NRG4: variants seen among roughly 807,000 people sequenced by gnomAD.
NRG4 encodes the protein neuregulin 4.
A neutral mutation model predicts 15.0 loss-of-function variants in NRG4; 10 were observed. That is an observed-to-expected ratio of 0.67 (90% CI 0.41 to 1.13). The LOEUF (loss-of-function observed/expected upper bound fraction) is 1.13. Ranked by LOEUF, NRG4 falls within the 50% of genes most tolerant of loss-of-function variation. The pLI, the probability that NRG4 is intolerant of heterozygous loss-of-function variation, is 0.00. For missense variants in NRG4, 139 were observed against 140.2 expected (o/e 0.99, Z 0.04); for synonymous variants, 41 against 50.1 (o/e 0.82, Z 0.77).
chr15:75,938,287 TAAA>T (rs913164492), downstream of NRG4: 2 of 151,524 alleles, frequency 1.3e-5, no homozygotes, highest in Non-Finnish European at 2.9e-5. Context: ...CTTTTAAAAA[TAAA>T]AAAACAATGA....
At chr15:76,005,679 G>GAAAA (rs776504828) in intron 3 of NRG4, 723 of 151,516 alleles carry the variant, frequency 4.8e-3, no homozygotes, top group South Asian at 5.7e-3. Flanking sequence ...CTCTGTCTCA[G>GAAAA]AAAAAAAAAA....
chr15:76,036,581 T>C (rs956353595), intron 4 of NRG4, among the ~76,000 whole-genome samples: 4 of 152,192 alleles, frequency 2.6e-5, no homozygotes, highest in African/African-American at 7.2e-5. Flanking sequence ...AGAAAAATCA[T>C]TGTGTCTACT....
chr15:75,960,519 T>C (rs2032462560), intron 4 of NRG4, among the ~76,000 whole-genome samples: 1 of 152,208 alleles, frequency 6.6e-6, no homozygotes, highest in Non-Finnish European at 1.5e-5. Flanking sequence ...TTGAATGAGC[T>C]GAATGCCTGG....
At chr15:75,956,086 G>GT (rs10711025) in intron 4 of NRG4, 75 bp from the exon 5 acceptor site, 361 of 484,062 alleles carry the variant, frequency 7.5e-4, no homozygotes, top group South Asian at 1.3e-3. Flanking sequence ...TAGAAAGAAA[G>GT]TTTTTTTTTT....
chr15:76,002,618 C>T (rs2034453491), intron 3 of NRG4, among the ~76,000 whole-genome samples: 1 of 151,914 alleles, frequency 6.6e-6, no homozygotes, highest in Non-Finnish European at 1.5e-5. Context: ...TTTAAAGATA[C>T]AGATAGGTTA....
intron 4 of NRG4, among the ~76,000 whole-genome samples, chr15:76,045,497 C>T (rs575138676): frequency 3.3e-5 from 5 of 151,096 alleles, no homozygotes; most frequent in East Asian, 1.9e-4. Context: ...CAGCACTATT[C>T]GCAAGAGCTA....
At chr15:76,044,588 C>T (rs1026576432) in intron 4 of NRG4, among the ~76,000 whole-genome samples, 1 of 149,892 alleles carries the variant, frequency 6.7e-6, no homozygotes. Flanking sequence ...GTAATCCCAG[C>T]ACTTTGGGAG....
At chr15:75,936,103 T>C (rs577927007), downstream of NRG4, 1 of 152,306 alleles carries the variant, frequency 6.6e-6, no homozygotes, top group South Asian at 2.1e-4. Flanking sequence ...CTGAGAACTT[T>C]CTATGCAATC....
rs746363821 is a variant in NRG4 at position 75,942,351 on chromosome 15, A to G, written c.*1287T>C. On this transcript the variant is annotated 3_prime_UTR_variant, in exon 6 of 6. Transcript: ENST00000394907. ...GACAGAGTGAGACTTTGTCTCAAAAAGTAAAGTAAAAATGTGTCAATATTG... is the reference window on the plus strand; with the variant it reads ...GACAGAGTGAGACTTTGTCTCAAAAGGTAAAGTAAAAATGTGTCAATATTG... 1 of 152,156 alleles carries G rather than the reference A, an allele frequency of 6.6e-6. No homozygotes were observed. The highest frequency in any genetic ancestry group is 1.5e-5 in the Non-Finnish European group (1 of 68,030). The allele number at this position is 152,156 out of a possible 1,614,324, so 9.4% of individuals were successfully genotyped here.
intron 2 of NRG4, among the ~76,000 whole-genome samples, chr15:76,053,945 G>A (rs1249016509): frequency 6.6e-6 from 1 of 151,106 alleles, no homozygotes; most frequent in Non-Finnish European, 1.5e-5. Context: ...CACGTGAACT[G>A]TGTAGCCAAA....
chr15:75,950,259 C>T (rs1034652054), intron 5 of NRG4, among the ~76,000 whole-genome samples: 2 of 151,986 alleles, frequency 1.3e-5, no homozygotes, highest in South Asian at 2.1e-4. Context: ...ATTTCCATAT[C>T]TAATTGTCAC....
chr15:76,031,728 G>A (rs2035477030), intron 5 of NRG4, among the ~76,000 whole-genome samples: 1 of 152,092 alleles, frequency 6.6e-6, no homozygotes, highest in Non-Finnish European at 1.5e-5. Context: ...GGTGGCACAT[G>A]CCTGTAATCC....
chr15:75,969,741 A>G (rs2033007007), intron 3 of NRG4, among the ~76,000 whole-genome samples: 1 of 152,226 alleles, frequency 6.6e-6, no homozygotes, highest in Non-Finnish European at 1.5e-5. Flanking sequence ...AGGTCAAGAA[A>G]GATGTATCAG....
intron 5 of NRG4, among the ~76,000 whole-genome samples, chr15:76,020,286 G>A (rs545680249): frequency 1.3e-5 from 2 of 152,326 alleles, no homozygotes; most frequent in South Asian, 4.1e-4. Flanking sequence ...GTAAAAGGGA[G>A]AGCTGCATCT....
chr15:76,014,865 T>C (rs1435614173), upstream of NRG4, among the ~76,000 whole-genome samples: 1 of 152,238 alleles, frequency 6.6e-6, no homozygotes, highest in Non-Finnish European at 1.5e-5. Context: ...AAGTAGATTT[T>C]TCTAATTCTG....
At chr15:76,037,541 G>A (rs2035623346) in intron 4 of NRG4, among the ~76,000 whole-genome samples, 1 of 152,160 alleles carries the variant, frequency 6.6e-6, no homozygotes, top group Admixed American at 6.5e-5. Context: ...CATCCCAGCA[G>A]CTGGAACTTG....
At position 75,943,420 on chromosome 15, in the gene NRG4, A is replaced by G. The variant is rs1457265570; in HGVS notation, c.*218T>C. The G allele has an allele frequency of 1.9e-6, 1 of 523,240 alleles. No individual in the cohort carries two copies. The highest frequency in any genetic ancestry group is 2.0e-5 in the African/African-American group (1 of 50,660). The allele number at this position is 523,240 out of a possible 1,614,324, so 32.4% of individuals were successfully genotyped here. ...TTGAACCAATGTGACTTCGAATTAT[A>G]CTGGTATCACCCCCTACTTAGCAGT... is the stretch of plus-strand genomic sequence containing the variant. On this transcript the variant is annotated 3_prime_UTR_variant, in exon 6 of 6. Coordinates refer to ENST00000394907, the MANE Select transcript of NRG4 (RefSeq NM_138573.4).
intron 5 of NRG4, among the ~76,000 whole-genome samples, chr15:76,019,061 C>T (rs1423226222): frequency 1.3e-5 from 2 of 152,016 alleles, no homozygotes; most frequent in African/African-American, 4.8e-5. Flanking sequence ...GGCAGTCTGT[C>T]TACAGTGGCT....
chr15:75,991,288 T>G (rs1010019149), intron 3 of NRG4, among the ~76,000 whole-genome samples: 1 of 152,174 alleles, frequency 6.6e-6, no homozygotes, highest in South Asian at 2.1e-4. Context: ...TTTGTTCCTA[T>G]AGAATTTTAA....
Sources: allele counts gnomAD v4.1 joint callset (sites outside exome capture counted in the v4.1 genomes callset), GRCh38; gene constraint gnomAD v4.1.1; transcripts MANE v1.5; gene names NCBI Gene and HGNC (gene_info 2026-07-23, HGNC 2026-07-21).